TMBIM4: variants seen among roughly 807,000 people sequenced by gnomAD.
The protein encoded by TMBIM4 is protein lifeguard 4.
In TMBIM4, 28 loss-of-function variants were observed where a neutral mutation model predicts 27.7. That is an observed-to-expected ratio of 1.01 (90% CI 0.75 to 1.38). TMBIM4 has a LOEUF of 1.38. Among genes scored for constraint, TMBIM4 ranks in the 40% most tolerant of loss-of-function variants. TMBIM4 has a pLI of 0.00. For synonymous variants in TMBIM4, 115 were observed against 113.1 expected (o/e 1.02, Z -0.11); for missense variants, 265 against 277.5 (o/e 0.95, Z 0.32).
chr12:66,166,033 G>T (rs1308566891), intron 1 of TMBIM4, among the ~76,000 whole-genome samples: 1 of 152,118 alleles, frequency 6.6e-6, no homozygotes, highest in African/African-American at 2.4e-5. Context: ...GAGTTTTATA[G>T]TTTTAGGTCT....
intron 1 of TMBIM4, chr12:66,161,054 A>T (rs933708902): frequency 1.3e-5 from 2 of 151,982 alleles, no homozygotes; most frequent in Non-Finnish European, 2.9e-5. Flanking sequence ...GGCCGGGCAG[A>T]GGAACTCCTC....
intron 1 of TMBIM4, chr12:66,160,140 C>G (rs895087453): frequency 5.7e-6 from 4 of 699,690 alleles, no homozygotes; most frequent in Non-Finnish European, 7.8e-6. Flanking sequence ...ATCTTATGGC[C>G]CAGAAAGCTG....
At chr12:66,138,303 C>T (rs977081465) in intron 6 of TMBIM4, 137 bp from the exon 7 acceptor site, 5 of 1,425,710 alleles carry the variant, frequency 3.5e-6, no homozygotes, top group Non-Finnish European at 1.8e-6. Context: ...ATGTTAAAAG[C>T]AGAAAAAGGC....
chr12:66,146,097 T>C, intron 4 of TMBIM4, 139 bp from the exon 5 acceptor site: 1 of 538,628 alleles, frequency 1.9e-6, no homozygotes, highest in Non-Finnish European at 3.3e-6. Context: ...TTCTTATCCA[T>C]CCTTGACTAC....
intron 1 of TMBIM4, 71 bp downstream of exon 1, chr12:66,169,784 C>T: frequency 1.6e-6 from 2 of 1,242,150 alleles, no homozygotes; most frequent in Non-Finnish European, 2.2e-6. Context: ...CCTCGGAAGC[C>T]GGAAGTCGGC....
intron 1 of TMBIM4, among the ~76,000 whole-genome samples, chr12:66,167,568 T>C (rs923541844): frequency 6.6e-6 from 1 of 152,190 alleles, no homozygotes; most frequent in Non-Finnish European, 1.5e-5. Context: ...TCACACTCAT[T>C]TGATGGCTAT....
At chr12:66,161,856 T>C (rs1164050876) in intron 1 of TMBIM4, among the ~76,000 whole-genome samples, 2 of 152,142 alleles carry the variant, frequency 1.3e-5, no homozygotes, top group Admixed American at 6.5e-5. Context: ...GAGGCCAACA[T>C]TGGAGGAGTA....
intron 3 of TMBIM4, among the ~76,000 whole-genome samples, chr12:66,151,208 T>C (rs2136863902): frequency 6.6e-6 from 1 of 152,346 alleles, no homozygotes; most frequent in South Asian, 2.1e-4. Context: ...TCAATAGCTT[T>C]TCCCACTCGT....
In TMBIM4 at chr12:66,169,859, T is replaced by G; in HGVS notation, c.93A>C (p.Arg31=). The G allele has an allele frequency of 6.6e-7, 1 of 1,513,312 alleles. No homozygotes were observed. The highest frequency in any genetic ancestry group is 8.8e-7 in the Non-Finnish European group (1 of 1,130,738). 93.7% of individuals were successfully genotyped at this position (1,513,312 alleles called of 1,614,324 possible). A position where few individuals can be genotyped will look rare whatever the true frequency, so the allele number is the denominator to read the frequency against. ...ACTGGAGAGGGGACAACGTACCCATTCGGATGTGCACGGTGGCGGAGGCCA... is the reference window on the plus strand; with the variant it reads ...ACTGGAGAGGGGACAACGTACCCATGCGGATGTGCACGGTGGCGGAGGCCA... ...SSVASATVHI[R]MAFLRKVYSI... Residue 31 remains arginine, a synonymous_variant, in exon 1 of 7, where the codon CGA becomes CGC. Transcript: ENST00000358230.
chr12:66,166,464 C>CAAAAAAAAAAA (rs59822799), intron 1 of TMBIM4, among the ~76,000 whole-genome samples: 15 of 100,678 alleles, frequency 1.5e-4, no homozygotes, highest in East Asian at 5.2e-4. Flanking sequence ...TACTTTGTCT[C>CAAAAAAAAAAA]AAAAAAAAAA....
chr12:66,169,414 A>T (rs2052194417), intron 1 of TMBIM4: 2 of 541,198 alleles, frequency 3.7e-6, no homozygotes. Context: ...GGTAAATATA[A>T]GCCTGTAACG....
chr12:66,154,711 A>G (rs1057288798), intron 1 of TMBIM4, among the ~76,000 whole-genome samples: 2 of 152,228 alleles, frequency 1.3e-5, no homozygotes, highest in Non-Finnish European at 2.9e-5. Context: ...CATTCCTACT[A>G]AAGACCTGGC....
intron 1 of TMBIM4, among the ~76,000 whole-genome samples, chr12:66,161,327 G>A (rs1429480103): frequency 1.3e-5 from 2 of 152,140 alleles, no homozygotes; most frequent in African/African-American, 4.8e-5. Context: ...TGCAAGCTCC[G>A]CCTCCCAGCT....
At chr12:66,147,858 A>G (rs765161678) in intron 4 of TMBIM4, 50 bp downstream of exon 4, 3 of 1,498,150 alleles carry the variant, frequency 2.0e-6, no homozygotes, top group South Asian at 1.2e-5. Context: ...TGAAAGATCT[A>G]TCTACATTAA....
intron 3 of TMBIM4, among the ~76,000 whole-genome samples, chr12:66,149,968 C>A (rs577285579): frequency 5.3e-4 from 80 of 152,220 alleles, no homozygotes; most frequent in Non-Finnish European, 1.0e-3. Flanking sequence ...CAAAAAACTC[C>A]TAACGTTAAA....
rs1414980842 is a variant in TMBIM4, at chr12:66,137,134, C to G, written c.*826G>C. ...GTTAGTACAATTTAAAATAAAAAGT[C>G]ATTAACATTTTAATGTAATACTGAA... On this transcript the variant is annotated 3_prime_UTR_variant, in exon 7 of 7. Transcript: ENST00000358230. The G allele has an allele frequency of 6.6e-6, 1 of 152,076 alleles. No homozygotes were observed. Among genetic ancestry groups the G allele is most frequent in the Admixed American group, 6.6e-5 (1 of 15,262 alleles). 9.4% of individuals were successfully genotyped at this position (152,076 alleles called of 1,614,324 possible). A position where few individuals can be genotyped will look rare whatever the true frequency, so the allele number is the denominator to read the frequency against.
intron 5 of TMBIM4, among the ~76,000 whole-genome samples, chr12:66,143,468 T>C (rs1038986558): frequency 1.3e-5 from 2 of 152,170 alleles, no homozygotes; most frequent in African/African-American, 2.4e-5. Context: ...CATACATCCT[T>C]CATGGCCTAC....
At chr12:66,144,742 T>C in intron 5 of TMBIM4, 1 of 152,138 alleles carries the variant, frequency 6.6e-6, no homozygotes, top group East Asian at 1.9e-4. Context: ...CAAAAATAAC[T>C]GAACACTTAA....
intron 1 of TMBIM4, among the ~76,000 whole-genome samples, chr12:66,168,196 C>T (rs2052165001): frequency 6.8e-6 from 1 of 148,124 alleles, no homozygotes; most frequent in African/African-American, 2.5e-5. Flanking sequence ...ACTCCAGCCT[C>T]GGTGGCAAAG....
Sources: gnomAD v4.1 joint callset for allele counts (sites outside exome capture counted in the v4.1 genomes callset) on GRCh38, gnomAD v4.1.1 for gene constraint, MANE v1.5 for transcripts, NCBI Gene and HGNC (gene_info 2026-07-23, HGNC 2026-07-21) for gene names.